The following MACROD2 variants were observed in gnomAD, a reference collection of about 807,000 sequenced individuals.
MACROD2 encodes the protein ADP-ribose glycohydrolase MACROD2.
A neutral mutation model predicts 70.4 loss-of-function variants in MACROD2; 36 were observed. That is an observed-to-expected ratio of 0.51 (90% CI 0.39 to 0.68). The LOEUF (loss-of-function observed/expected upper bound fraction) is 0.68. MACROD2 is among the 30% of genes least tolerant of loss of function. The pLI, the probability that MACROD2 is intolerant of heterozygous loss-of-function variation, is 0.00. For synonymous variants in MACROD2, 172 were observed against 178.8 expected (o/e 0.96, Z 0.30); for missense variants, 496 against 538.4 (o/e 0.92, Z 0.78).
chr20:15,652,025 G>A (rs1225551427), intron 8 of MACROD2, among the ~76,000 whole-genome samples: 1 of 152,112 alleles, frequency 6.6e-6, no homozygotes, highest in African/African-American at 2.4e-5. Flanking sequence ...GTGGCCATGG[G>A]AGGTCTGGCT....
At chr20:14,189,366 A>G (rs1027475686) in intron 3 of MACROD2, among the ~76,000 whole-genome samples, 11 of 152,182 alleles carry the variant, frequency 7.2e-5, no homozygotes, top group Admixed American at 2.0e-4. Flanking sequence ...TTGCTTTTTC[A>G]AAAGACTTTT....
intron 15 of MACROD2, among the ~76,000 whole-genome samples, chr20:16,037,922 C>T (rs1007997756): frequency 9.9e-5 from 15 of 151,872 alleles, no homozygotes; most frequent in Non-Finnish European, 1.9e-4. Flanking sequence ...TCCACATTAC[C>T]TTTCACATTT....
At chr20:14,442,769 A>G (rs538238556) in intron 3 of MACROD2, among the ~76,000 whole-genome samples, 1 of 152,164 alleles carries the variant, frequency 6.6e-6, no homozygotes, top group South Asian at 2.1e-4. Flanking sequence ...AAGAGATGGC[A>G]TAAGAGTAAG....
chr20:14,272,664 T>C (rs1454054257), intron 3 of MACROD2, among the ~76,000 whole-genome samples: 1 of 150,696 alleles, frequency 6.6e-6, no homozygotes. Context: ...TAAATGTAAA[T>C]GGACTAAATG....
chr20:16,017,985 G>T (rs1222306649), intron 15 of MACROD2, among the ~76,000 whole-genome samples: 1 of 152,078 alleles, frequency 6.6e-6, no homozygotes, highest in African/African-American at 2.4e-5. Flanking sequence ...CTGCCCCACC[G>T]TCTCCTACAC....
chr20:14,442,401 C>A (rs1434164721), intron 3 of MACROD2, among the ~76,000 whole-genome samples: 1 of 152,102 alleles, frequency 6.6e-6, no homozygotes, highest in African/African-American at 2.4e-5. Context: ...ATTTTACTCT[C>A]ATGATTCTGA....
chr20:14,161,737 A>G (rs1003434217), intron 3 of MACROD2, among the ~76,000 whole-genome samples: 4 of 151,800 alleles, frequency 2.6e-5, no homozygotes, highest in African/African-American at 7.3e-5. Context: ...CCACCACACC[A>G]CCACACCCGT....
chr20:15,496,047 C>A (rs944002333), intron 7 of MACROD2, among the ~76,000 whole-genome samples: 1 of 152,130 alleles, frequency 6.6e-6, no homozygotes, highest in African/African-American at 2.4e-5. Flanking sequence ...AAACAAAGAG[C>A]AATGCAACAT....
At chr20:14,208,216 A>T (rs2081541975) in intron 3 of MACROD2, among the ~76,000 whole-genome samples, 1 of 152,132 alleles carries the variant, frequency 6.6e-6, no homozygotes. Context: ...AGTGGAATAG[A>T]TGGATTACAG....
chr20:14,498,491 T>C (rs2084881317), intron 4 of MACROD2, among the ~76,000 whole-genome samples: 1 of 152,226 alleles, frequency 6.6e-6, no homozygotes, highest in Non-Finnish European at 1.5e-5. Context: ...CACAGCCTTT[T>C]CCCTGTGGCC....
chr20:14,395,464 A>G (rs2083571383), intron 3 of MACROD2, among the ~76,000 whole-genome samples: 1 of 151,952 alleles, frequency 6.6e-6, no homozygotes, highest in Admixed American at 6.6e-5. Context: ...TAATTTTTGT[A>G]ATTTGTGTCT....
intron 2 of MACROD2, among the ~76,000 whole-genome samples, chr20:14,013,321 G>A (rs1237964654): frequency 6.8e-6 from 1 of 147,422 alleles, no homozygotes; most frequent in Non-Finnish European, 1.5e-5. Context: ...CGCCCAGGCT[G>A]GAGTGCAGTG....
intron 5 of MACROD2, among the ~76,000 whole-genome samples, chr20:15,035,033 G>A (rs1316394850): frequency 6.6e-6 from 1 of 152,116 alleles, no homozygotes; most frequent in African/African-American, 2.4e-5. Flanking sequence ...ATGCATTCAT[G>A]CTTATATCAG....
At chr20:14,772,483 AAG>A (rs1353618550) in intron 5 of MACROD2, among the ~76,000 whole-genome samples, 2 of 152,034 alleles carry the variant, frequency 1.3e-5, no homozygotes, top group African/African-American at 4.8e-5. Context: ...GCAGCAGGCA[AAG>A]AGAGAGCTTG....
At chr20:15,745,985 T>C (rs1035324748) in intron 8 of MACROD2, among the ~76,000 whole-genome samples, 6 of 152,162 alleles carry the variant, frequency 3.9e-5, no homozygotes, top group African/African-American at 1.4e-4. Context: ...TTTTTGTTTT[T>C]TTGAAAGCCT....
intron 5 of MACROD2, among the ~76,000 whole-genome samples, chr20:14,765,082 G>T (rs983455359): frequency 1.3e-5 from 2 of 152,084 alleles, no homozygotes; most frequent in Non-Finnish European, 2.9e-5. Flanking sequence ...AGTGCCTCCT[G>T]CCCTCTTTAA....
At chr20:15,532,185 G>T (rs1341483413) in intron 8 of MACROD2, among the ~76,000 whole-genome samples, 1 of 151,992 alleles carries the variant, frequency 6.6e-6, no homozygotes, top group Non-Finnish European at 1.5e-5. Flanking sequence ...AGTTAGATTT[G>T]AATTCAGATG....
At chr20:15,967,483 G>A (rs898389593) in intron 12 of MACROD2, 70 bp from the exon 13 acceptor site, 1 of 1,178,184 alleles carries the variant, frequency 8.5e-7, no homozygotes, top group Non-Finnish European at 1.2e-6. Context: ...AATCTATCAT[G>A]TTAGTGCTGA....
chr20:14,577,638 C>T (rs1444632680), intron 4 of MACROD2, among the ~76,000 whole-genome samples: 2 of 151,884 alleles, frequency 1.3e-5, no homozygotes, highest in African/African-American at 4.8e-5. Context: ...AAAAATTAGC[C>T]AGGCATGGTG....
Sources: allele counts gnomAD v4.1 joint callset (sites outside exome capture counted in the v4.1 genomes callset), GRCh38; gene constraint gnomAD v4.1.1; transcripts MANE v1.5; gene names NCBI Gene and HGNC (gene_info 2026-07-23, HGNC 2026-07-21).